IL1RAPL2: variants seen among roughly 807,000 people sequenced by gnomAD.
IL1RAPL2 encodes the protein interleukin 1 receptor accessory protein like 2, also known as X-linked interleukin-1 receptor accessory protein-like 2.
IL1RAPL2 carries 3 observed loss-of-function variants against 44.1 expected under a neutral mutation model. The ratio of observed to expected loss-of-function variants is 0.07; its 90% confidence interval spans 0.03 to 0.18. The LOEUF (loss-of-function observed/expected upper bound fraction) is 0.18. IL1RAPL2 is among the 10% of genes least tolerant of loss of function. The pLI, the probability that IL1RAPL2 is intolerant of heterozygous loss-of-function variation, is 1.00. For missense variants in IL1RAPL2, 391 were observed against 496.4 expected (o/e 0.79, Z 2.02); for synonymous variants, 181 against 178.8 (o/e 1.01, Z -0.10).
At chrX:105,505,783 A>G (rs2036427076) in intron 6 of IL1RAPL2, among the ~76,000 whole-genome samples, 1 of 111,541 alleles carries the variant, frequency 9.0e-6, no homozygotes, top group Non-Finnish European at 1.9e-5. Flanking sequence ...ATCTTGAAAT[A>G]ATTGTAGACT....
At chrX:105,195,380 T>A in intron 2 of IL1RAPL2, 95 bp from the exon 3 acceptor site, 1 of 827,087 alleles carries the variant, frequency 1.2e-6, no homozygotes, top group Non-Finnish European at 1.8e-6. Context: ...GTAATCTATG[T>A]GGAGCACTTA....
At chrX:105,275,403 A>G (rs1313583947) in intron 5 of IL1RAPL2, among the ~76,000 whole-genome samples, 1 of 112,119 alleles carries the variant, frequency 8.9e-6, no homozygotes, top group African/African-American at 3.2e-5. Flanking sequence ...TATAACATCA[A>G]CAGTTGAAAT....
At chrX:105,118,774 T>A (rs1423933343) in intron 2 of IL1RAPL2, among the ~76,000 whole-genome samples, 2 of 112,234 alleles carry the variant, frequency 1.8e-5, no homozygotes, top group Non-Finnish European at 3.8e-5. Flanking sequence ...TATTACCCTG[T>A]AAGAAGAGAT....
intron 1 of IL1RAPL2, among the ~76,000 whole-genome samples, chrX:104,599,559 A>C (rs1234882250): frequency 9.2e-6 from 1 of 108,962 alleles, no homozygotes; most frequent in Non-Finnish European, 1.9e-5. Flanking sequence ...ATTTTTTTTT[A>C]AAGAAACCTT....
intron 6 of IL1RAPL2, among the ~76,000 whole-genome samples, chrX:105,501,142 G>T (rs962989085): frequency 9.0e-6 from 1 of 111,583 alleles, no homozygotes; most frequent in Non-Finnish European, 1.9e-5. Context: ...GTGCACAGTC[G>T]TATGTATGAA....
intron 5 of IL1RAPL2, among the ~76,000 whole-genome samples, chrX:105,478,090 T>C (rs1231613238): frequency 9.0e-6 from 1 of 110,696 alleles, no homozygotes. Flanking sequence ...CCCCTGGAGT[T>C]GGGCAATGAG....
chrX:105,534,501 C>T (rs376740984), intron 6 of IL1RAPL2, among the ~76,000 whole-genome samples: 3 of 110,377 alleles, frequency 2.7e-5, no homozygotes, highest in East Asian at 5.7e-4. Context: ...TCTCATGTAC[C>T]TCATAAATAT....
At chrX:105,194,540 T>C (rs1397445913) in intron 2 of IL1RAPL2, among the ~76,000 whole-genome samples, 1 of 112,025 alleles carries the variant, frequency 8.9e-6, no homozygotes, top group African/African-American at 3.2e-5. Context: ...GAATTTACTG[T>C]ACATGTCTTT....
At chrX:105,634,618 T>A (rs2037511666) in intron 6 of IL1RAPL2, among the ~76,000 whole-genome samples, 1 of 111,168 alleles carries the variant, frequency 9.0e-6, no homozygotes, top group African/African-American at 3.3e-5. Context: ...ATTCTAATAG[T>A]TGGAGGGGGT....
chrX:105,281,907 TGACAAGAAAGCA>T (rs965727811), intron 5 of IL1RAPL2, among the ~76,000 whole-genome samples: 1 of 111,599 alleles, frequency 9.0e-6, no homozygotes, highest in African/African-American at 3.3e-5. Context: ...GGCCATTTCA[TGACAAGAAAGCA>T]GTCTGACAAA....
At chrX:105,337,840 G>A (rs1012714732) in intron 5 of IL1RAPL2, among the ~76,000 whole-genome samples, 19 of 110,779 alleles carry the variant, frequency 1.7e-4, no homozygotes, top group Non-Finnish European at 2.3e-4. Flanking sequence ...GCAGTGAGCC[G>A]AGATCGCGCC....
rs1254640797 is a variant in IL1RAPL2, at chrX:105,163,878, A to G, written c.83-31597A>G. On this transcript the variant is annotated intron_variant, in intron 2 of 10. Coordinates refer to ENST00000372582, the MANE Select transcript of IL1RAPL2 (RefSeq NM_017416.2). Reference sequence around the variant, plus strand: ...ACTGAACTTTATCTAAAGACCTGCCATTTGATTGCACCCCCTCCACTCCAC... The same window carrying G: ...ACTGAACTTTATCTAAAGACCTGCCGTTTGATTGCACCCCCTCCACTCCAC... 9.9e-5 allele frequency among the ~76,000 whole-genome samples: 11 copies of G among 111,047 alleles called. No homozygotes were observed. In the Admixed American group the frequency reaches 1.1e-3, roughly 11 times the overall value.
chrX:105,196,713 T>C (rs1038770282), intron 3 of IL1RAPL2, among the ~76,000 whole-genome samples: 8 of 111,403 alleles, frequency 7.2e-5, no homozygotes, highest in Non-Finnish European at 1.5e-4. Context: ...CAGTATGTTC[T>C]CCCTTCCCCC....
chrX:104,722,766 G>C (rs1008361715), intron 2 of IL1RAPL2, among the ~76,000 whole-genome samples: 2 of 111,329 alleles, frequency 1.8e-5, no homozygotes, highest in East Asian at 5.6e-4. Flanking sequence ...TGTGATGTAC[G>C]AGTTGTCTGC....
At chrX:105,542,214 C>T (rs970380606) in intron 6 of IL1RAPL2, among the ~76,000 whole-genome samples, 3 of 112,006 alleles carry the variant, frequency 2.7e-5, no homozygotes, top group African/African-American at 9.7e-5. Context: ...CTGTACTTCT[C>T]TTGTGGAGAG....
At chrX:104,883,491 G>A (rs1923132788) in intron 2 of IL1RAPL2, among the ~76,000 whole-genome samples, 1 of 111,346 alleles carries the variant, frequency 9.0e-6, no homozygotes, top group Admixed American at 9.5e-5. Context: ...CTGTGACCAT[G>A]AGCGGAACTC....
chrX:105,717,462 G>C lies in IL1RAPL2; in HGVS notation c.868G>C (p.Glu290Gln). 1 of 1,204,866 alleles carries C rather than the reference G, an allele frequency of 8.3e-7. No individual in the cohort carries two copies. The highest frequency in any genetic ancestry group is 1.1e-6 in the Non-Finnish European group (1 of 890,881). ...GATGAAAGGAGAAAAGTTTATTGAAGAACTGGCAGGTCACATTAGAGAAGG... is the reference window on the plus strand; with the variant it reads ...GATGAAAGGAGAAAAGTTTATTGAACAACTGGCAGGTCACATTAGAGAAGG... ...YWMKGEKFIEELAGHIREGEI... is the reference protein window; with the variant it reads ...YWMKGEKFIEQLAGHIREGEI... Residue 290 changes from glutamate (E) to glutamine (Q), a missense_variant, in exon 7 of 11, where the codon GAA (glutamate) becomes CAA (glutamine). Physicochemically the swap from Glu to Gln is conservative, Grantham distance 29. Around this residue, in one of 2 missense-constraint regions of IL1RAPL2, gnomAD observed 159 missense variants for 251.7 expected, o/e 0.63. Coordinates refer to ENST00000372582, the MANE Select transcript of IL1RAPL2 (RefSeq NM_017416.2).
chrX:105,417,841 T>C lies in IL1RAPL2; in HGVS notation c.698-66472T>C, dbSNP rs773185242. ...CTCTTCTCTCCTCTACTTCCCAATGTACCCAGTCCATAGAGAATATGACAC... is the reference window on the plus strand; with the variant it reads ...CTCTTCTCTCCTCTACTTCCCAATGCACCCAGTCCATAGAGAATATGACAC... On this transcript the variant is annotated intron_variant, in intron 5 of 10. Transcript: ENST00000372582. Among the ~76,000 whole-genome samples, 15 of 112,151 alleles carry C rather than the reference T, an allele frequency of 1.3e-4. No homozygotes were observed. The East Asian group carries it at 4.3e-3, about 32-fold the overall frequency.
intron 5 of IL1RAPL2, among the ~76,000 whole-genome samples, chrX:105,272,635 G>A (rs1489573684): frequency 8.9e-6 from 1 of 112,389 alleles, no homozygotes; most frequent in African/African-American, 3.2e-5. Flanking sequence ...ATACTTCAAA[G>A]ATTTGCTGCT....
Sources: gnomAD v4.1 joint callset for allele counts (sites outside exome capture counted in the v4.1 genomes callset) on GRCh38, gnomAD v4.1.1 for gene constraint, gnomAD v4.1.1 regional missense constraint, MANE v1.5 for transcripts, NCBI Gene and HGNC (gene_info 2026-07-23, HGNC 2026-07-21) for gene names.